The following KCTD14 variants were observed in gnomAD, a reference collection of about 807,000 sequenced individuals.
The protein encoded by KCTD14 is potassium channel tetramerization domain containing 14.
A neutral mutation model predicts 5.9 loss-of-function variants in KCTD14; 7 were observed. That is an observed-to-expected ratio of 1.19 (90% CI 0.68 to 2.23). The LOEUF is 2.23. Ranked by LOEUF, KCTD14 falls within the 30% of genes most tolerant of loss-of-function variation. The probability of loss-of-function intolerance (pLI) is 0.00; values close to 1 mark genes in which losing one functional copy is unlikely to be tolerated. For synonymous variants in KCTD14, 140 were observed against 133.1 expected (o/e 1.05, Z -0.36); for missense variants, 342 against 332.2 (o/e 1.03, Z -0.23).
intron 1 of KCTD14, among the ~76,000 whole-genome samples, chr11:78,039,530 A>G (rs940983320): frequency 6.6e-6 from 1 of 151,502 alleles, no homozygotes; most frequent in Non-Finnish European, 1.5e-5. Context: ...CTCTGTCTCA[A>G]AAAGAAAAAA....
upstream of KCTD14, among the ~76,000 whole-genome samples, chr11:78,025,108 GTGTGTGTGTGTATATATATATATA>G (rs1234767881): frequency 1.5e-5 from 1 of 67,606 alleles, no homozygotes; most frequent in African/African-American, 8.0e-5. Context: ...GTGTGTGTGT[GTGTGTGTGTGTATATATATATATA>G]TATATATATA....
chr11:78,028,602 C>CAAA (rs56160318), intron 2 of KCTD14, among the ~76,000 whole-genome samples: 3 of 106,056 alleles, frequency 2.8e-5, no homozygotes, highest in Admixed American at 1.0e-4. Flanking sequence ...GTGTCCATCT[C>CAAA]AAAAAAAAAA....
chr11:78,026,804 AATAAATAT>A (rs1314821463), upstream of KCTD14, among the ~76,000 whole-genome samples: 1 of 152,104 alleles, frequency 6.6e-6, no homozygotes, highest in East Asian at 1.9e-4. Context: ...AGAGATTGTA[AATAAATAT>A]ATAAGGCCAG....
chr11:78,046,007 G>A (rs1407789710), intron 1 of KCTD14: 2 of 739,424 alleles, frequency 2.7e-6, no homozygotes, highest in African/African-American at 3.8e-5. Context: ...GCAGCCTCAG[G>A]AGGGGAGCGT....
chr11:78,023,168 G>T lies in KCTD14; in HGVS notation c.82C>A (p.Arg28=), dbSNP rs556276982. ...GCTAGCCTCGCACTTACCGTTGGCC[G>T]CCTGGGCCGGGGGGACTGGGGCAGA... ...TPLPQSPRPR[R]PTMSTVVELN... The change falls in exon 1 of 2, where the codon CGG becomes AGG. Residue 28 remains arginine (R), a synonymous_variant. Coordinates refer to ENST00000353172, the MANE Select transcript of KCTD14 (RefSeq NM_023930.4). 8.2e-5 allele frequency: 131 copies of T among 1,589,074 alleles called. 2 individuals carry two copies. The South Asian group carries it at 1.3e-3, about 16-fold the overall frequency.
At chr11:78,024,379 TCA>T (rs1857388317), upstream of KCTD14, among the ~76,000 whole-genome samples, 1 of 23,146 alleles carries the variant, frequency 4.3e-5, no homozygotes, top group African/African-American at 2.0e-4. Flanking sequence ...AGATTCCCTC[TCA>T]AAAAAAAAAA....
chr11:78,041,755 T>C (rs1453073124), intron 1 of KCTD14, among the ~76,000 whole-genome samples: 1 of 152,184 alleles, frequency 6.6e-6, no homozygotes, highest in African/African-American at 2.4e-5. Flanking sequence ...TCTGGCAGGG[T>C]GTCCTCTGTG....
At position 78,016,754 on chromosome 11, in the gene KCTD14, G is replaced by A; in HGVS notation, c.607C>T (p.Pro203Ser). Residue 203 changes from proline to serine, a missense_variant, in exon 2 of 2, where the codon CCC becomes TCC. Pro to Ser is a moderately conservative substitution (Grantham distance 74). Coordinates refer to ENST00000353172, the MANE Select transcript of KCTD14 (RefSeq NM_023930.4). The stretch of plus-strand genomic sequence containing the variant: ...CTGTTGTCTAGGACCGCCTTCCAGG[G>A]CCCAAACTTGACAACAGACTTGAAC... ...KMFKSVVKFG[P>S]WKAVLDNSDL... 1 of 1,614,178 alleles carries A rather than the reference G, an allele frequency of 6.2e-7. No homozygotes were observed. The highest frequency in any genetic ancestry group is 8.5e-7 in the Non-Finnish European group (1 of 1,180,026).
intron 1 of KCTD14, among the ~76,000 whole-genome samples, chr11:78,018,743 C>T (rs1185333292): frequency 6.6e-6 from 1 of 151,954 alleles, no homozygotes; most frequent in East Asian, 1.9e-4. Context: ...AAAATGGGGA[C>T]GTGGAGTTGT....
chr11:78,043,067 A>G (rs1365742725), intron 1 of KCTD14, among the ~76,000 whole-genome samples: 2 of 152,186 alleles, frequency 1.3e-5, no homozygotes, highest in Admixed American at 6.5e-5. Context: ...TTGGCCTCCC[A>G]AAGTGCTGGG....
intron 1 of KCTD14, among the ~76,000 whole-genome samples, chr11:78,039,067 A>C (rs1015747651): frequency 2.0e-5 from 2 of 100,070 alleles, no homozygotes; most frequent in Admixed American, 2.1e-4. Context: ...ACTTTAGATT[A>C]CAAAAAAAAA....
At position 78,030,499 on chromosome 11, in the gene KCTD14, G is replaced by A. The variant is rs1036299344; in HGVS notation, c.-1+8165C>T. 3.3e-5 allele frequency among the ~76,000 whole-genome samples: 5 copies of A among 152,284 alleles called. No individual in the cohort carries two copies. In the South Asian group the frequency reaches 1.0e-3, roughly 32 times the overall value. On this transcript the variant is annotated intron_variant, in intron 2 of 2. Transcript: ENST00000533144. ...TTTCTGAGATGGTCTCTGTGATCCTGCCTTGCTTGATGCTATGGCAACAAA... is the reference window on the plus strand; with the variant it reads ...TTTCTGAGATGGTCTCTGTGATCCTACCTTGCTTGATGCTATGGCAACAAA...
chr11:78,023,287 C>A, upstream of KCTD14: 1 of 1,599,316 alleles, frequency 6.3e-7, no homozygotes, highest in African/African-American at 1.3e-5. Flanking sequence ...CCCTGGCTGC[C>A]CGCCCCTAGG....
chr11:78,037,400 C>A (rs1857838899), intron 2 of KCTD14, among the ~76,000 whole-genome samples: 1 of 152,196 alleles, frequency 6.6e-6, no homozygotes, highest in Non-Finnish European at 1.5e-5. Context: ...GCTCTCCAAG[C>A]TCCCAAGGGC....
intron 2 of KCTD14, among the ~76,000 whole-genome samples, chr11:78,034,700 T>G (rs543039156): frequency 6.6e-6 from 1 of 152,046 alleles, no homozygotes; most frequent in South Asian, 2.1e-4. Flanking sequence ...AGCCCACGTG[T>G]TTTCAAGACA....
chr11:78,030,385 G>A (rs1271453192), intron 2 of KCTD14, among the ~76,000 whole-genome samples: 2 of 152,142 alleles, frequency 1.3e-5, no homozygotes, highest in Admixed American at 6.6e-5. Flanking sequence ...TTTCGGCTCT[G>A]CCACCAGTTT....
At chr11:78,039,817 T>G (rs1857941433) in intron 1 of KCTD14, among the ~76,000 whole-genome samples, 1 of 152,128 alleles carries the variant, frequency 6.6e-6, no homozygotes, top group African/African-American at 2.4e-5. Context: ...GAAGGGCTCT[T>G]CTGTACCACT....
Position 78,023,152 on chromosome 11 carries a change from G to A in KCTD14, c.90+8C>T. ...GAGGCGCGGGGACGCAGCTAGCCTCGCACTTACCGTTGGCCGCCTGGGCCG... is the reference window on the plus strand; with the variant it reads ...GAGGCGCGGGGACGCAGCTAGCCTCACACTTACCGTTGGCCGCCTGGGCCG... On this transcript the variant is annotated splice_region_variant and intron_variant, in intron 1 of 1. Transcript: ENST00000353172. 1.9e-6 allele frequency: 3 copies of A among 1,560,676 alleles called. No individual in the cohort carries two copies. Among genetic ancestry groups the A allele is most frequent in the Admixed American group, 1.7e-5 (1 of 57,878 alleles).
intron 2 of KCTD14, among the ~76,000 whole-genome samples, chr11:78,037,863 G>T (rs1206720671): frequency 2.6e-5 from 4 of 151,920 alleles, no homozygotes; most frequent in Non-Finnish European, 5.9e-5. Context: ...CTAATGGGAG[G>T]CTTCTGGGAT....
Sources: allele counts gnomAD v4.1 joint callset (sites outside exome capture counted in the v4.1 genomes callset), GRCh38; gene constraint gnomAD v4.1.1; transcripts MANE v1.5; gene names NCBI Gene and HGNC (gene_info 2026-07-23, HGNC 2026-07-21).